The following SASH1 variants were observed in gnomAD, a reference collection of about 807,000 sequenced individuals.
The protein encoded by SASH1 is SAM and SH3 domain containing 1, also known as SAM and SH3 domain-containing protein 1.
Under a neutral mutation model 125.2 loss-of-function variants are expected in SASH1, and 44 were observed. The observed-to-expected ratio is 0.35, with a 90% CI of 0.28 to 0.45. The LOEUF (loss-of-function observed/expected upper bound fraction) is 0.45, where lower values mean the gene tolerates loss of function less well. SASH1 is among the 20% of genes least tolerant of loss of function. SASH1 has a pLI of 1.00. For missense variants in SASH1, 1,426 were observed against 1,614.5 expected (o/e 0.88, Z 2.00); for synonymous variants, 639 against 649.1 (o/e 0.98, Z 0.24).
chr6:148,295,544 A>G (rs1280663347), intron 1 of SASH1, among the ~76,000 whole-genome samples: 1 of 152,256 alleles, frequency 6.6e-6, no homozygotes, highest in Non-Finnish European at 1.5e-5. Context: ...GGAGAAAAAC[A>G]GAAACAAGTG....
At chr6:148,528,313 C>T (rs1457384959) in intron 12 of SASH1, among the ~76,000 whole-genome samples, 1 of 152,190 alleles carries the variant, frequency 6.6e-6, no homozygotes, top group Non-Finnish European at 1.5e-5. Context: ...ACACTCTCCT[C>T]CAGCACCTGT....
At chr6:148,508,877 G>A (rs1048915252) in intron 8 of SASH1, 20 of 1,284,374 alleles carry the variant, frequency 1.6e-5, no homozygotes, top group Non-Finnish European at 1.9e-5. Context: ...TGCCGAAGCC[G>A]GTAAGTCACT....
At chr6:148,264,812 T>C in the SASH1 span, among the ~76,000 whole-genome samples, 1 of 152,208 alleles carries the variant, frequency 6.6e-6, no homozygotes, top group Non-Finnish European at 1.5e-5. Flanking sequence ...ACAACCTCCA[T>C]CTCGACCCCC....
intron 1 of SASH1, among the ~76,000 whole-genome samples, chr6:148,351,459 G>A (rs1583004691): frequency 6.6e-6 from 1 of 152,152 alleles, no homozygotes; most frequent in Non-Finnish European, 1.5e-5. Context: ...TTTGCAGCAA[G>A]TAGTGAGTGA....
At position 148,544,265 on chromosome 6, in the gene SASH1, A is replaced by G. The variant is rs1158443093; in HGVS notation, c.2795A>G (p.Tyr932Cys). 1.4e-5 allele frequency: 23 copies of G among 1,614,026 alleles called. 1 individual carries two copies. The highest frequency in any genetic ancestry group is 1.1e-4 in the South Asian group (10 of 91,082). The change falls in exon 18 of 20, where the codon TAT (tyrosine) becomes TGT (cysteine). Residue 932 changes from tyrosine to cysteine, a missense_variant. Transcript: ENST00000367467. This position sits in a 1 kb window ranked among gnomAD's most constrained non-coding sequence, Gnocchi z 6.4. ...CCCCCTCAGTGTTTGCCCAGAAACT[A>G]TGATGCTCAGCCTCCTGGAGCTAAA... ...LSPPQCLPRN[Y>C]DAQPPGAKHG...
chr6:148,333,485 A>G (rs1781052900), intron 1 of SASH1, among the ~76,000 whole-genome samples: 1 of 152,146 alleles, frequency 6.6e-6, no homozygotes, highest in African/African-American at 2.4e-5. Flanking sequence ...TGCATTTGTA[A>G]CAAATTCCTT....
intron 1 of SASH1, among the ~76,000 whole-genome samples, chr6:148,373,294 C>T (rs928353271): frequency 6.6e-6 from 1 of 152,112 alleles, no homozygotes. Flanking sequence ...GTAATATCCG[C>T]AGAGGATGAG....
intron 18 of SASH1, among the ~76,000 whole-genome samples, chr6:148,545,427 G>GTCTT (rs964121734): frequency 1.3e-5 from 2 of 152,202 alleles, no homozygotes; most frequent in African/African-American, 4.8e-5. Context: ...CTGAGTGAAT[G>GTCTT]TCTTTAAATG....
chr6:148,436,606 T>TCCTGCTGTGAGGAAGCCTCAGCAA (rs1280788418), intron 2 of SASH1, among the ~76,000 whole-genome samples: 1 of 152,200 alleles, frequency 6.6e-6, no homozygotes, highest in African/African-American at 2.4e-5. Context: ...CAACCCAGCA[T>TCCTGCTGTGAGGAAGCCTCAGCAA]CCTGCTGTGA....
At chr6:148,212,516 G>C in the SASH1 span, among the ~76,000 whole-genome samples, 1 of 152,198 alleles carries the variant, frequency 6.6e-6, no homozygotes, top group Non-Finnish European at 1.5e-5. Context: ...GTCCTGAATT[G>C]ACGTAAGGCT....
At chr6:148,378,585 C>T (rs1172451775) in intron 1 of SASH1, among the ~76,000 whole-genome samples, 1 of 152,160 alleles carries the variant, frequency 6.6e-6, no homozygotes, top group East Asian at 1.9e-4. Flanking sequence ...GTCTCAAACT[C>T]CTGGGCTCAA....
At chr6:148,478,136 C>A (rs1400363221) in intron 7 of SASH1, among the ~76,000 whole-genome samples, 1 of 151,964 alleles carries the variant, frequency 6.6e-6, no homozygotes, top group Non-Finnish European at 1.5e-5. Context: ...CCTCACAATA[C>A]AAAAAAATAG....
chr6:148,531,895 G>A (rs931146462), intron 13 of SASH1, among the ~76,000 whole-genome samples: 3 of 152,040 alleles, frequency 2.0e-5, no homozygotes, highest in Admixed American at 6.6e-5. Context: ...AGACAATAGG[G>A]AAAGCATCTC....
At chr6:148,359,325 GTTTT>G (rs374218290) in intron 1 of SASH1, among the ~76,000 whole-genome samples, 1 of 138,540 alleles carries the variant, frequency 7.2e-6, no homozygotes. Flanking sequence ...TGCTTGGCCG[GTTTT>G]TTTTTTTTTT....
chr6:148,231,776 C>T, the SASH1 span, among the ~76,000 whole-genome samples: 1 of 152,166 alleles, frequency 6.6e-6, no homozygotes, highest in South Asian at 2.1e-4. Context: ...TTCTCACACA[C>T]TGGCCCACCC....
Position 148,549,335 on chromosome 6 carries a change from T to G in SASH1, c.*777T>G. 9.5e-6 allele frequency: 3 copies of G among 316,206 alleles called. No homozygotes were observed. The highest frequency in any genetic ancestry group is 4.8e-5 in the East Asian group (1 of 20,814). The allele number at this position is 316,206 out of a possible 1,614,324, so 19.6% of individuals were successfully genotyped here. A position where few individuals can be genotyped will look rare whatever the true frequency, so the allele number is the denominator to read the frequency against. ...AGGTATTCATCAGCCACACACTTCA[T>G]GTTGGTTTTTGGTTTTTAAGCTAAC... On this transcript the variant is annotated 3_prime_UTR_variant, in exon 20 of 20. Transcript: ENST00000367467.
At chr6:148,487,531 T>G in intron 7 of SASH1, 83 bp from the exon 8 acceptor site, 2 of 956,238 alleles carry the variant, frequency 2.1e-6, no homozygotes, top group Non-Finnish European at 3.3e-6. Context: ...CCTAGATGTA[T>G]TATTTGAGTC....
chr6:148,534,012 C>T (rs776288081), intron 15 of SASH1, 32 bp downstream of exon 15: 20 of 1,594,964 alleles, frequency 1.3e-5, no homozygotes, highest in Admixed American at 1.0e-4. Context: ...TCACACGCTA[C>T]TACCTCACTG....
intron 1 of SASH1, among the ~76,000 whole-genome samples, chr6:148,299,166 G>A (rs753842592): frequency 4.6e-5 from 7 of 152,104 alleles, no homozygotes; most frequent in East Asian, 1.9e-4. Context: ...GGGAAACAGC[G>A]GGAACAAAAT....
Sources: allele counts gnomAD v4.1 joint callset (sites outside exome capture counted in the v4.1 genomes callset), GRCh38; gene constraint gnomAD v4.1.1; non-coding constraint Gnocchi (gnomAD v3.1); transcripts MANE v1.5; gene names NCBI Gene and HGNC (gene_info 2026-07-23, HGNC 2026-07-21).